Variants in HDX observed in about 807,000 individuals in gnomAD.
HDX encodes the protein chromosome X open reading frame 43.
Under a neutral mutation model 45.2 loss-of-function variants are expected in HDX, and 19 were observed. The observed-to-expected ratio is 0.42, with a 90% CI of 0.29 to 0.62. HDX has a LOEUF of 0.62. Ranked by LOEUF, HDX falls within the 20% of genes least tolerant of loss-of-function variation. HDX has a pLI of 0.20. For synonymous variants in HDX, 188 were observed against 172.8 expected (o/e 1.09, Z -0.69); for missense variants, 532 against 493.9 (o/e 1.08, Z -0.73).
intron 5 of HDX, among the ~76,000 whole-genome samples, chrX:84,380,518 C>T (rs1009892627): frequency 9.9e-5 from 11 of 111,077 alleles, no homozygotes; most frequent in Admixed American, 3.8e-4. Flanking sequence ...TTAGAAATAT[C>T]GTTCATCCTG....
At chrX:84,356,614 C>CTTTTTT (rs59321751) in intron 6 of HDX, among the ~76,000 whole-genome samples, 9 of 39,491 alleles carry the variant, frequency 2.3e-4, no homozygotes, top group African/African-American at 8.9e-4. Flanking sequence ...CTGTGGATAT[C>CTTTTTT]TTTTTTTTTT....
rs200160920 is a variant in HDX, at chrX:84,471,244, A to AATAGATAGATAG, written c.148-1681_148-1670dup. Among the ~76,000 whole-genome samples the AATAGATAGATAG allele has an allele frequency of 6.3e-3, 609 of 97,345 alleles. 2 individuals carry two copies. Among genetic ancestry groups the AATAGATAGATAG allele is most frequent in the African/African-American group, 9.4e-3 (249 of 26,417 alleles). The allele number at this position is 97,345 out of a possible 115,157, so 84.5% of individuals were successfully genotyped here. A position where few individuals can be genotyped will look rare whatever the true frequency, so the allele number is the denominator to read the frequency against. ...TTGAATCCCCATTATGTGTTCTCTC[A>AATAGATAGATAG]ATAGATAGATAGATAGATAGATAGA... On this transcript the variant is annotated intron_variant, in intron 3 of 10. Transcript: ENST00000373177.
chrX:84,380,844 A>G (rs766385674), intron 5 of HDX, among the ~76,000 whole-genome samples: 10 of 111,116 alleles, frequency 9.0e-5, no homozygotes, highest in Admixed American at 1.9e-4. Flanking sequence ...CAGTTATTCA[A>G]TATACTACTG....
At chrX:84,455,528 GAAGAC>G (rs2040094666) in intron 4 of HDX, among the ~76,000 whole-genome samples, 1 of 111,529 alleles carries the variant, frequency 9.0e-6, no homozygotes, top group Non-Finnish European at 1.9e-5. Flanking sequence ...AACAGCCAGA[GAAGAC>G]AAAATATAAA....
intron 9 of HDX, among the ~76,000 whole-genome samples, chrX:84,333,296 T>C (rs1206003839): frequency 2.7e-5 from 3 of 111,758 alleles, no homozygotes; most frequent in Non-Finnish European, 5.7e-5. Flanking sequence ...TGTATTCATA[T>C]TCATTCTGTA....
At chrX:84,473,775 G>GAA (rs904467920) in intron 3 of HDX, among the ~76,000 whole-genome samples, 2 of 78,269 alleles carry the variant, frequency 2.6e-5, no homozygotes, top group Non-Finnish European at 5.2e-5. Context: ...CAAGAAAAAA[G>GAA]AAAAAAAAAA....
At chrX:84,438,560 G>T (rs2148055475) in intron 5 of HDX, among the ~76,000 whole-genome samples, 1 of 104,941 alleles carries the variant, frequency 9.5e-6, no homozygotes, top group East Asian at 3.1e-4. Context: ...CCCACATCTA[G>T]TGAGCCCCAG....
At chrX:84,493,465 T>A (rs1468364794) in intron 1 of HDX, among the ~76,000 whole-genome samples, 1 of 112,076 alleles carries the variant, frequency 8.9e-6, no homozygotes, top group African/African-American at 3.2e-5. Context: ...GCCAGCTACA[T>A]AAAACATATT....
chrX:84,337,004 C>T (rs968078426), intron 7 of HDX, 124 bp from the exon 8 acceptor site: 8 of 462,446 alleles, frequency 1.7e-5, no homozygotes, highest in East Asian at 1.2e-4. Flanking sequence ...TCATTTCACA[C>T]GTTTGATGAG....
chrX:84,438,977 G>A, intron 5 of HDX, among the ~76,000 whole-genome samples: 1 of 112,136 alleles, frequency 8.9e-6, no homozygotes, highest in Admixed American at 9.4e-5. Flanking sequence ...TTCCACAGTG[G>A]CTGAACTAGT....
intron 6 of HDX, among the ~76,000 whole-genome samples, chrX:84,354,335 C>T (rs1445617039): frequency 9.0e-6 from 1 of 111,291 alleles, no homozygotes; most frequent in African/African-American, 3.3e-5. Context: ...AAGCTATATT[C>T]CAAACTTTTA....
At chrX:84,451,258 C>T (rs1276501438) in intron 4 of HDX, among the ~76,000 whole-genome samples, 1 of 109,928 alleles carries the variant, frequency 9.1e-6, no homozygotes, top group East Asian at 2.8e-4. Context: ...AAAAGATAAA[C>T]AAATTTGATA....
At chrX:84,322,640 G>T (rs1238464518) in intron 10 of HDX, among the ~76,000 whole-genome samples, 1 of 110,727 alleles carries the variant, frequency 9.0e-6, no homozygotes, top group African/African-American at 3.3e-5. Context: ...TGATGTATCT[G>T]GAGGGCTACT....
In HDX at chrX:84,417,241, A is replaced by AAAG. The variant is rs1318968875; in HGVS notation, c.1305+23288_1305+23290dup. On this transcript the variant is annotated intron_variant, in intron 5 of 10. Coordinates refer to ENST00000373177, the MANE Select transcript of HDX (RefSeq NM_001177479.2). Reference sequence around the variant, plus strand: ...GAGAGAAAGAAAGAAAGAAAGAAAGAAAGAAAGAAAGAGAAAGTCCCAGTC... The same window carrying AAAG: ...GAGAGAAAGAAAGAAAGAAAGAAAGAAAGAAGAAAGAAAGAGAAAGTCCCAGTC... 2.7e-5 allele frequency among the ~76,000 whole-genome samples: 3 copies of AAAG among 111,302 alleles called. No homozygotes were observed. The East Asian group carries it at 8.5e-4, about 31-fold the overall frequency.
rs1012361274 is a variant in HDX at position 84,417,069 on chromosome X, G to C, written c.1305+23463C>G. Among the ~76,000 whole-genome samples, 3 of 109,336 alleles carry C rather than the reference G, an allele frequency of 2.7e-5. No homozygotes were observed. In the East Asian group the frequency reaches 8.6e-4, roughly 31 times the overall value. The allele number at this position is 109,336 out of a possible 115,157, so 94.9% of individuals were successfully genotyped here. A position where few individuals can be genotyped will look rare whatever the true frequency, so the allele number is the denominator to read the frequency against. On this transcript the variant is annotated intron_variant, in intron 5 of 10. Coordinates refer to ENST00000373177, the MANE Select transcript of HDX (RefSeq NM_001177479.2). ...CTAAGGAGCTTGAGGCAGGAGAATT[G>C]CTTTAACCTGAGAGGCAGAATTTGC...
At chrX:84,360,868 T>C (rs916720264) in intron 6 of HDX, among the ~76,000 whole-genome samples, 3 of 112,135 alleles carry the variant, frequency 2.7e-5, no homozygotes, top group Admixed American at 1.9e-4. Flanking sequence ...AACTCTGTTA[T>C]GAATATCAGT....
chrX:84,383,531 T>C (rs1169268389), intron 5 of HDX, among the ~76,000 whole-genome samples: 1 of 111,737 alleles, frequency 8.9e-6, no homozygotes, highest in Non-Finnish European at 1.9e-5. Context: ...ATGTTAAAAG[T>C]CATCAAGATC....
At position 84,419,233 on chromosome X, in the gene HDX, G is replaced by A. The variant is rs763904924; in HGVS notation, c.1305+21299C>T. 5.4e-5 allele frequency among the ~76,000 whole-genome samples: 6 copies of A among 110,590 alleles called. No homozygotes were observed. In the South Asian group the frequency reaches 2.4e-3, roughly 44 times the overall value. On this transcript the variant is annotated intron_variant, in intron 5 of 10. Transcript: ENST00000373177. The stretch of plus-strand genomic sequence containing the variant: ...CAGGTTGAGCATCAGGCGGGTTCTT[G>A]GGGTCCATGATTCCAGAACTGGACA...
At chrX:84,411,474 G>A (rs2038983805) in intron 5 of HDX, among the ~76,000 whole-genome samples, 3 of 111,673 alleles carry the variant, frequency 2.7e-5, no homozygotes, top group Non-Finnish European at 5.7e-5. Context: ...ATGGTTTTGA[G>A]CATTATTCTT....
Sources: gnomAD v4.1 joint callset for allele counts (sites outside exome capture counted in the v4.1 genomes callset) on GRCh38, gnomAD v4.1.1 for gene constraint, MANE v1.5 for transcripts, NCBI Gene and HGNC (gene_info 2026-07-23, HGNC 2026-07-21) for gene names.